The following EVC2 variants were observed in gnomAD, a reference collection of about 807,000 sequenced individuals.
The protein encoded by EVC2 is limbin.
EVC2 carries 148 observed loss-of-function variants against 149.3 expected under a neutral mutation model. That is an observed-to-expected ratio of 0.99 (90% CI 0.87 to 1.14). The LOEUF is 1.14. EVC2 is among the 50% of genes most tolerant of loss of function. EVC2 has a pLI of 0.00. For missense variants in EVC2, 1,854 were observed against 1,627.3 expected, an observed-to-expected ratio of 1.14 and a Z score of -2.40; for synonymous variants, 776 against 649.9, an observed-to-expected ratio of 1.19 and a Z score of -2.95.
At chr4:5,634,520 C>G (rs950833809) in intron 10 of EVC2, among the ~76,000 whole-genome samples, 1 of 152,164 alleles carries the variant, frequency 6.6e-6, no homozygotes, top group South Asian at 2.1e-4. Context: ...AGATAAAAAG[C>G]AGACACACAC....
chr4:5,663,514 G>A lies in EVC2; in HGVS notation c.1006-268C>T, dbSNP rs73065629. Among the ~76,000 whole-genome samples the A allele has an allele frequency of 0.012, 1,867 of 152,336 alleles. 32 individuals carry two copies. The highest frequency in any genetic ancestry group is 0.043 in the African/African-American group (1,774 of 41,570). ...ATGGACAGAAAGAACTTTTCAGCCT[G>A]TAAGACCTATAAACTATTTAACTAT... On this transcript the variant is annotated intron_variant, in intron 8 of 21. Transcript: ENST00000344408.
chr4:5,679,069 C>CA lies in EVC2; in HGVS notation c.870+2190dup, dbSNP rs151115578. ...AGAAAAGAAAAATATGTACAAAAGACAAAAAAAAAAATACACTCGTATAGG... is the reference window on the plus strand; with the variant it reads ...AGAAAAGAAAAATATGTACAAAAGACAAAAAAAAAAAATACACTCGTATAGG... On this transcript the variant is annotated intron_variant, in intron 7 of 21. Coordinates refer to ENST00000344408, the MANE Select transcript of EVC2 (RefSeq NM_147127.5). The surrounding 1 kb of genome is among the most constrained non-coding windows in gnomAD (Gnocchi z 5.1). 2.9e-4 allele frequency among the ~76,000 whole-genome samples: 42 copies of CA among 143,804 alleles called. No individual in the cohort carries two copies. Among genetic ancestry groups the CA allele is most frequent in the East Asian group, 1.4e-3 (7 of 4,966 alleles). 94.3% of individuals were successfully genotyped at this position (143,804 alleles called of 152,430 possible).
rs1338422805 is a variant in EVC2, at chr4:5,686,559, C to A, written c.707-1080G>T. ...AGATGGATGGAGAACACGTGATTTT[C>A]TGCAACATACAGAAGAAGAAACTGA... On this transcript the variant is annotated intron_variant, in intron 5 of 21. Coordinates refer to ENST00000344408, the MANE Select transcript of EVC2 (RefSeq NM_147127.5). This position sits in a 1 kb window ranked among gnomAD's most constrained non-coding sequence, Gnocchi z 5.4. Among the ~76,000 whole-genome samples the A allele has an allele frequency of 2.0e-5, 3 of 152,130 alleles. No homozygotes were observed. Among genetic ancestry groups the A allele is most frequent in the Non-Finnish European group, 4.4e-5 (3 of 68,054 alleles).
chr4:5,662,460 A>C (rs905732988), intron 9 of EVC2, among the ~76,000 whole-genome samples: 1 of 145,732 alleles, frequency 6.9e-6, no homozygotes, highest in Non-Finnish European at 1.5e-5. Flanking sequence ...TTATTCAATA[A>C]TTATTATTAA....
In EVC2 at chr4:5,631,937, A is replaced by G; in HGVS notation, c.1566T>C (p.Phe522=). The G allele has an allele frequency of 6.2e-7, 1 of 1,614,154 alleles. No homozygotes were observed. The highest frequency in any genetic ancestry group is 8.5e-7 in the Non-Finnish European group (1 of 1,180,012). ...KSLALQQEED[F]AKAHRQLAVF... ...CAGCCAGCTGTCTGTGAGCTTTGGC[A>G]AAGTCTTCTTCTTGTTGCAAAGCGA... is the stretch of plus-strand genomic sequence containing the variant. The change falls in exon 11 of 22, where the codon TTT becomes TTC. Residue 522 remains phenylalanine (F), a synonymous_variant. Transcript: ENST00000344408.
At chr4:5,552,487 T>C (rs1158484856) in intron 21 of EVC2, among the ~76,000 whole-genome samples, 1 of 152,198 alleles carries the variant, frequency 6.6e-6, no homozygotes, top group African/African-American at 2.4e-5. Flanking sequence ...ATAAGGTATC[T>C]GGGATTGACT....
downstream of EVC2, among the ~76,000 whole-genome samples, chr4:5,541,420 G>A (rs147799063): frequency 6.6e-6 from 1 of 152,194 alleles, no homozygotes; most frequent in Admixed American, 6.5e-5. Context: ...CAAAGAACGG[G>A]GTCAGGCAGG....
chr4:5,700,361 G>A (rs938516386), intron 1 of EVC2, among the ~76,000 whole-genome samples: 2 of 152,134 alleles, frequency 1.3e-5, no homozygotes, highest in Admixed American at 6.5e-5. Flanking sequence ...ATGGTGCACC[G>A]AACTCCACAC....
chr4:5,672,982 G>A (rs1213882901), intron 7 of EVC2, among the ~76,000 whole-genome samples: 1 of 152,192 alleles, frequency 6.6e-6, no homozygotes, highest in African/African-American at 2.4e-5. Flanking sequence ...GGTTTGCCAG[G>A]GGCTGGGGGA....
At chr4:5,676,294 G>T (rs1400301833) in intron 7 of EVC2, among the ~76,000 whole-genome samples, 1 of 152,216 alleles carries the variant, frequency 6.6e-6, no homozygotes, top group Admixed American at 6.5e-5. Context: ...ACATGTGTCA[G>T]TTTCACCCTC....
In EVC2 at chr4:5,657,062, G is replaced by A. The variant is rs756609186; in HGVS notation, c.1145+6045C>T. 6.6e-6 allele frequency among the ~76,000 whole-genome samples: 1 copy of A among 152,078 alleles called. No homozygotes were observed. Among genetic ancestry groups the A allele is most frequent in the East Asian group, 1.9e-4 (1 of 5,156 alleles). On this transcript the variant is annotated intron_variant, in intron 9 of 21. Coordinates refer to ENST00000344408, the MANE Select transcript of EVC2 (RefSeq NM_147127.5). The surrounding 1 kb of genome is among the most constrained non-coding windows in gnomAD (Gnocchi z 4.7). ...AACCACTGGGCTCTATGCCCTGCCC[G>A]CCAGTGGCCTCCATGCCTCCATCCA...
intron 6 of EVC2, 81 bp from the exon 7 acceptor site, chr4:5,681,394 C>T (rs1045640300): frequency 2.1e-6 from 3 of 1,423,048 alleles, no homozygotes; most frequent in Non-Finnish European, 3.0e-6. Context: ...GATTTCCAAC[C>T]CTCCAAGCCT....
rs1270737492 is a variant in EVC2, at chr4:5,618,292, A to C, written c.2706+186T>G. On this transcript the variant is annotated intron_variant, in intron 15 of 21. Transcript: ENST00000344408. The surrounding 1 kb of genome is among the most constrained non-coding windows in gnomAD (Gnocchi z 4.4). ...GCACAGCACCAGCAGTGTCCACTAT[A>C]GACTTTAAAGTTGGGACAGCCCTGG... Among the ~76,000 whole-genome samples the C allele has an allele frequency of 6.6e-6, 1 of 152,184 alleles. No homozygotes were observed. Among genetic ancestry groups the C allele is most frequent in the African/African-American group, 2.4e-5 (1 of 41,458 alleles).
chr4:5,666,112 G>A (rs542912083), intron 7 of EVC2, among the ~76,000 whole-genome samples: 14 of 152,026 alleles, frequency 9.2e-5, no homozygotes, highest in African/African-American at 1.4e-4. Context: ...CAATTTTTAC[G>A]GTATTATATT....
intron 15 of EVC2, 76 bp from the exon 16 acceptor site, chr4:5,615,620 C>T: frequency 1.2e-6 from 2 of 1,607,896 alleles, no homozygotes; most frequent in Non-Finnish European, 8.5e-7. Flanking sequence ...GAGGGCTTTG[C>T]AGGTCAAGAG....
chr4:5,617,868 G>C (rs762298100), intron 15 of EVC2, among the ~76,000 whole-genome samples: 2 of 152,186 alleles, frequency 1.3e-5, no homozygotes, highest in Non-Finnish European at 2.9e-5. Flanking sequence ...AAGGGAACAG[G>C]ACAGGAAAGG....
At chr4:5,541,534 T>C (rs1385575044), downstream of EVC2, among the ~76,000 whole-genome samples, 3 of 152,158 alleles carry the variant, frequency 2.0e-5, no homozygotes, top group Admixed American at 1.3e-4. Context: ...GCACGTGGCT[T>C]CCTTTCCCTC....
chr4:5,643,643 G>T (rs1428433919), intron 9 of EVC2, among the ~76,000 whole-genome samples: 3 of 152,188 alleles, frequency 2.0e-5, no homozygotes, highest in African/African-American at 7.2e-5. Context: ...AAAACAGGCT[G>T]GGTGCAGTGG....
At chr4:5,630,252 T>C (rs866191916) in intron 11 of EVC2, among the ~76,000 whole-genome samples, 1 of 152,150 alleles carries the variant, frequency 6.6e-6, no homozygotes, top group South Asian at 2.1e-4. Flanking sequence ...CCCTGATGTC[T>C]CAGCCCTCAT....
Sources: allele counts gnomAD v4.1 joint callset (sites outside exome capture counted in the v4.1 genomes callset), GRCh38; gene constraint gnomAD v4.1.1; non-coding constraint Gnocchi (gnomAD v3.1); transcripts MANE v1.5; gene names NCBI Gene and HGNC (gene_info 2026-07-23, HGNC 2026-07-21).